Variants in CPA6 observed in about 807,000 individuals in gnomAD.
CPA6 encodes carboxypeptidase A6, also known as carboxypeptidase B.
CPA6 carries 58 observed loss-of-function variants against 63.3 expected under a neutral mutation model. That is an observed-to-expected ratio of 0.92 (90% confidence interval 0.74 to 1.14). The LOEUF (loss-of-function observed/expected upper bound fraction) is 1.14. CPA6 is among the 50% of genes most tolerant of loss of function. The pLI is 0.00. For synonymous variants in CPA6, 185 were observed against 179.0 expected (o/e 1.03, Z -0.27); for missense variants, 565 against 526.6 (o/e 1.07, Z -0.71).
intron 3 of CPA6, among the ~76,000 whole-genome samples, chr8:67,514,114 T>G (rs1157436630): frequency 1.3e-5 from 2 of 151,982 alleles, no homozygotes; most frequent in Admixed American, 6.6e-5. Flanking sequence ...CGCACCAACA[T>G]GCCTGGCTAA....
At chr8:67,740,701 C>A (rs914428523) in intron 1 of CPA6, among the ~76,000 whole-genome samples, 1 of 152,084 alleles carries the variant, frequency 6.6e-6, no homozygotes, top group Non-Finnish European at 1.5e-5. Flanking sequence ...TCCTGAGTAG[C>A]GGGGACTACA....
chr8:67,457,358 A>G (rs1278328925), intron 8 of CPA6, among the ~76,000 whole-genome samples: 1 of 152,082 alleles, frequency 6.6e-6, no homozygotes, highest in African/African-American at 2.4e-5. Context: ...CAAAATTCTC[A>G]TTTTTTTCCT....
At chr8:67,546,739 TC>T (rs1420207567) in intron 2 of CPA6, among the ~76,000 whole-genome samples, 1 of 152,184 alleles carries the variant, frequency 6.6e-6, no homozygotes, top group African/African-American at 2.4e-5. Context: ...CAGGCTGGCC[TC>T]AAACTTGGGC....
intron 2 of CPA6, among the ~76,000 whole-genome samples, chr8:67,599,345 T>C (rs1372087096): frequency 6.6e-6 from 1 of 152,216 alleles, no homozygotes; most frequent in Non-Finnish European, 1.5e-5. Flanking sequence ...TTCTGTGTTC[T>C]GGACAACCAT....
At chr8:67,717,628 G>T (rs554914281) in intron 1 of CPA6, among the ~76,000 whole-genome samples, 1 of 152,288 alleles carries the variant, frequency 6.6e-6, no homozygotes, top group South Asian at 2.1e-4. Context: ...CATCATTGTG[G>T]TAGGCTAGAG....
At chr8:67,478,748 C>T (rs1409709794) in intron 8 of CPA6, among the ~76,000 whole-genome samples, 1 of 152,180 alleles carries the variant, frequency 6.6e-6, no homozygotes, top group Non-Finnish European at 1.5e-5. Flanking sequence ...TAGAAATTGA[C>T]ACCCCTGGCT....
chr8:67,595,113 C>T (rs1399135387), intron 2 of CPA6, among the ~76,000 whole-genome samples: 2 of 152,152 alleles, frequency 1.3e-5, no homozygotes, highest in Non-Finnish European at 2.9e-5. Flanking sequence ...GGACCCTCAG[C>T]TGCAGGTCTG....
intron 8 of CPA6, among the ~76,000 whole-genome samples, chr8:67,438,545 T>A (rs1212811059): frequency 6.6e-6 from 1 of 152,198 alleles, no homozygotes; most frequent in African/African-American, 2.4e-5. Flanking sequence ...GAATATACCA[T>A]ACACTGACAT....
intron 1 of CPA6, among the ~76,000 whole-genome samples, chr8:67,733,429 C>T (rs1299715605): frequency 2.0e-5 from 3 of 151,888 alleles, no homozygotes; most frequent in South Asian, 2.1e-4. Flanking sequence ...CTCTTTCCCA[C>T]GCGTGGAAGT....
At chr8:67,552,041 C>A (rs1186301578) in intron 2 of CPA6, among the ~76,000 whole-genome samples, 1 of 152,194 alleles carries the variant, frequency 6.6e-6, no homozygotes, top group Non-Finnish European at 1.5e-5. Context: ...TATCTCAATA[C>A]TTTATGCACA....
intron 2 of CPA6, among the ~76,000 whole-genome samples, chr8:67,538,785 G>A (rs1345852611): frequency 6.6e-6 from 1 of 151,738 alleles, no homozygotes; most frequent in Non-Finnish European, 1.5e-5. Context: ...TCAGCCTCCC[G>A]AGTAGCTGGG....
intron 1 of CPA6, among the ~76,000 whole-genome samples, chr8:67,689,697 A>C (rs963860796): frequency 3.9e-5 from 6 of 152,162 alleles, no homozygotes; most frequent in Non-Finnish European, 8.8e-5. Context: ...AAGCTTGAGT[A>C]CATGTCTTTG....
At chr8:67,657,379 C>T (rs1390515958) in intron 1 of CPA6, among the ~76,000 whole-genome samples, 1 of 152,132 alleles carries the variant, frequency 6.6e-6, no homozygotes, top group Admixed American at 6.5e-5. Flanking sequence ...TAATTCTTAA[C>T]TAGGACAAAG....
chr8:67,500,556 T>C (rs562310861), intron 6 of CPA6, among the ~76,000 whole-genome samples: 54 of 152,154 alleles, frequency 3.5e-4, no homozygotes, highest in Non-Finnish European at 7.4e-4. Flanking sequence ...ACAATGTATC[T>C]ATTTTTCCTT....
intron 6 of CPA6, among the ~76,000 whole-genome samples, chr8:67,490,297 T>C (rs996914553): frequency 1.3e-5 from 2 of 152,178 alleles, no homozygotes; most frequent in African/African-American, 4.8e-5. Flanking sequence ...TGTAGAACTA[T>C]TTTTAGCAAT....
chr8:67,570,575 G>A (rs967716853), intron 2 of CPA6, among the ~76,000 whole-genome samples: 3 of 152,160 alleles, frequency 2.0e-5, no homozygotes, highest in African/African-American at 7.2e-5. Flanking sequence ...TGTGGGAGGG[G>A]AGTAAAAGTT....
intron 2 of CPA6, among the ~76,000 whole-genome samples, chr8:67,615,074 A>G (rs1264718386): frequency 6.6e-6 from 1 of 152,168 alleles, no homozygotes; most frequent in Admixed American, 6.5e-5. Flanking sequence ...CCCTGATACC[A>G]GTGATCAGGA....
At chr8:67,646,404 ACT>A in intron 1 of CPA6, among the ~76,000 whole-genome samples, 1 of 152,068 alleles carries the variant, frequency 6.6e-6, no homozygotes, top group Non-Finnish European at 1.5e-5. Flanking sequence ...CTAGACATTC[ACT>A]TTTGGTTTTG....
At position 67,644,825 on chromosome 8, in the gene CPA6, C is replaced by T. The variant is rs147606585; in HGVS notation, c.117-20574G>A. On this transcript the variant is annotated intron_variant, in intron 1 of 10. Coordinates refer to ENST00000297770, the MANE Select transcript of CPA6 (RefSeq NM_020361.5). Reference sequence around the variant, plus strand: ...TCATTAAGCTGTGGTACTCACACCCCTTGGGGTATGTGGAGACTTTCCGAG... The same window carrying T: ...TCATTAAGCTGTGGTACTCACACCCTTTGGGGTATGTGGAGACTTTCCGAG... Among the ~76,000 whole-genome samples, 788 of 152,270 alleles carry T rather than the reference C, an allele frequency of 5.2e-3. 7 individuals are homozygous for T. The highest frequency in any genetic ancestry group is 0.018 in the African/African-American group (733 of 41,554).
Sources: gnomAD v4.1 joint callset for allele counts (sites outside exome capture counted in the v4.1 genomes callset) on GRCh38, gnomAD v4.1.1 for gene constraint, MANE v1.5 for transcripts, NCBI Gene and HGNC (gene_info 2026-07-23, HGNC 2026-07-21) for gene names.